The following FILIP1 variants were observed in gnomAD, a reference collection of about 807,000 sequenced individuals.
The protein encoded by FILIP1 is filamin A interacting protein 1.
Under a neutral mutation model 102.1 loss-of-function variants are expected in FILIP1, and 61 were observed. The observed-to-expected ratio is 0.60, with a 90% CI of 0.49 to 0.74. The LOEUF is 0.74. Ranked by LOEUF, FILIP1 falls within the 30% of genes least tolerant of loss-of-function variation. FILIP1 has a pLI of 0.00. For synonymous variants in FILIP1, 491 were observed against 526.9 expected (o/e 0.93, Z 0.93); for missense variants, 1,314 against 1,441.2 (o/e 0.91, Z 1.43).
intron 2 of FILIP1, among the ~76,000 whole-genome samples, chr6:75,413,956 CAGAGGAA>C (rs1411028806): frequency 6.6e-6 from 1 of 150,392 alleles, no homozygotes; most frequent in Non-Finnish European, 1.5e-5. Flanking sequence ...TGGGGGTGGG[CAGAGGAA>C]AGAGCATAGG....
intron 1 of FILIP1, among the ~76,000 whole-genome samples, chr6:75,470,998 A>G (rs1779309222): frequency 6.6e-6 from 1 of 151,926 alleles, no homozygotes; most frequent in South Asian, 2.1e-4. Flanking sequence ...CATCTCTGCT[A>G]AAAATAACAA....
intron 3 of FILIP1, among the ~76,000 whole-genome samples, chr6:75,360,171 T>G (rs1224066483): frequency 6.6e-6 from 1 of 152,184 alleles, no homozygotes; most frequent in East Asian, 1.9e-4. Flanking sequence ...CTATCTACCT[T>G]CCTTCCCTCA....
Position 75,430,899 on chromosome 6 carries a change from AC to A in FILIP1, c.-6-15922del, listed in dbSNP as rs763497545. ...GCTCTTTGCAGGCCAAGGCAAAAGCACAAAAACACATAGCTGTCTTGTGGTT... is the reference window on the plus strand; with the variant it reads ...GCTCTTTGCAGGCCAAGGCAAAAGCAAAAAACACATAGCTGTCTTGTGGTT... On this transcript the variant is annotated intron_variant, in intron 1 of 5. Coordinates refer to ENST00000237172, the MANE Select transcript of FILIP1 (RefSeq NM_015687.5). 2.6e-5 allele frequency among the ~76,000 whole-genome samples: 4 copies of A among 152,380 alleles called. No individual in the cohort carries two copies. The East Asian group carries it at 5.8e-4, about 22-fold the overall frequency.
At chr6:75,352,536 A>G (rs1371953859) in intron 4 of FILIP1, among the ~76,000 whole-genome samples, 1 of 152,198 alleles carries the variant, frequency 6.6e-6, no homozygotes, top group African/African-American at 2.4e-5. Context: ...ACCTACAAGA[A>G]TAAACATCAA....
In FILIP1 at chr6:75,450,813, G is replaced by C. The variant is rs887550093; in HGVS notation, c.-6-35835C>G. On this transcript the variant is annotated intron_variant, in intron 1 of 5. Coordinates refer to ENST00000237172, the MANE Select transcript of FILIP1 (RefSeq NM_015687.5). Reference sequence around the variant, plus strand: ...TCTACTAAAAATACAAAATTAGCCGGGCATGGTGGTGCATGCCAGTAATCC... The same window carrying C: ...TCTACTAAAAATACAAAATTAGCCGCGCATGGTGGTGCATGCCAGTAATCC... Among the ~76,000 whole-genome samples the C allele has an allele frequency of 3.3e-5, 5 of 151,998 alleles. No individual in the cohort carries two copies. In the South Asian group the frequency reaches 1.0e-3, roughly 32 times the overall value.
At chr6:75,407,018 A>C (rs1056369211) in intron 2 of FILIP1, among the ~76,000 whole-genome samples, 2 of 152,198 alleles carry the variant, frequency 1.3e-5, no homozygotes, top group Non-Finnish European at 2.9e-5. Flanking sequence ...TTTATTAATT[A>C]AAGCCCAAAG....
At chr6:75,441,686 G>C (rs1304395492) in intron 1 of FILIP1, among the ~76,000 whole-genome samples, 1 of 148,700 alleles carries the variant, frequency 6.7e-6, no homozygotes, top group African/African-American at 2.5e-5. Context: ...CCTCCCTGAC[G>C]GGGCGGCTGG....
chr6:75,423,152 T>G (rs2951926), intron 1 of FILIP1, among the ~76,000 whole-genome samples: 106,103 of 152,014 alleles, frequency 0.7, 37,883 homozygotes, highest in African/African-American at 0.86. Flanking sequence ...ACAACTACAC[T>G]AGAAGTTGCT....
Position 75,312,398 on chromosome 6 carries a change from ACT to A in FILIP1, c.3432_3433del (p.Ser1146ArgfsTer43). On this transcript the variant is annotated frameshift_variant and splice_region_variant, in exon 5 of 6. Coordinates refer to ENST00000237172, the MANE Select transcript of FILIP1 (RefSeq NM_015687.5). LOFTEE classifies it high-confidence loss of function. ...CGCTTTGGAGCCTCTTCTACTCACC[ACT>A]GACTGGGTTCCTCGAGCAGATGACG... The A allele has an allele frequency of 2.5e-6, 4 of 1,612,290 alleles. No individual in the cohort carries two copies. Among genetic ancestry groups the A allele is most frequent in the Non-Finnish European group, 3.4e-6 (4 of 1,179,082 alleles).
intron 1 of FILIP1, chr6:75,453,876 G>A (rs1778724548): frequency 4.5e-6 from 2 of 443,694 alleles, no homozygotes; most frequent in Non-Finnish European, 9.1e-6. Flanking sequence ...CATGTCATGT[G>A]ATGCAAATAC....
intron 1 of FILIP1, among the ~76,000 whole-genome samples, chr6:75,449,327 G>A (rs944983554): frequency 3.3e-5 from 5 of 152,058 alleles, no homozygotes; most frequent in Middle Eastern, 3.2e-3. Context: ...GACTTGGGGG[G>A]AAAGGATGGG....
intron 1 of FILIP1, among the ~76,000 whole-genome samples, chr6:75,431,759 A>T (rs1056750877): frequency 6.6e-6 from 1 of 152,308 alleles, no homozygotes; most frequent in South Asian, 2.1e-4. Flanking sequence ...CTGAGGTAAC[A>T]GACCTAAACA....
At chr6:75,440,443 G>C (rs889908571) in intron 1 of FILIP1, among the ~76,000 whole-genome samples, 1 of 152,100 alleles carries the variant, frequency 6.6e-6, no homozygotes, top group African/African-American at 2.4e-5. Flanking sequence ...CACTATGAAG[G>C]GCTTATCGAA....
At position 75,319,086 on chromosome 6, in the gene FILIP1, A is replaced by G. The variant is rs903832118; in HGVS notation, c.630-3884T>C. The G allele has an allele frequency of 2.5e-5, 18 of 729,910 alleles. No homozygotes were observed. The African/African-American group carries it at 3.2e-4, about 13-fold the overall frequency. The allele number at this position is 729,910 out of a possible 1,614,324, so 45.2% of individuals were successfully genotyped here. A position where few individuals can be genotyped will look rare whatever the true frequency, so the allele number is the denominator to read the frequency against. ...CTTCTTCACCTTCTTCCTCCTCTTC[A>G]TCCTCTTCATCTTCCTCCTCTTCCT... is the stretch of plus-strand genomic sequence containing the variant. On this transcript the variant is annotated intron_variant, in intron 4 of 5. Coordinates refer to ENST00000237172, the MANE Select transcript of FILIP1 (RefSeq NM_015687.5).
intron 1 of FILIP1, among the ~76,000 whole-genome samples, chr6:75,429,484 A>G (rs1468265339): frequency 6.6e-6 from 1 of 152,216 alleles, no homozygotes; most frequent in African/African-American, 2.4e-5. Flanking sequence ...GGATGCCTCT[A>G]TAGGCATGCA....
At chr6:75,331,446 G>A (rs1299914353) in intron 4 of FILIP1, among the ~76,000 whole-genome samples, 1 of 152,180 alleles carries the variant, frequency 6.6e-6, no homozygotes, top group Non-Finnish European at 1.5e-5. Flanking sequence ...AAGATGGGCA[G>A]AATGTCTCCT....
intron 2 of FILIP1, among the ~76,000 whole-genome samples, chr6:75,411,133 T>A (rs1242489327): frequency 6.6e-6 from 1 of 152,276 alleles, no homozygotes; most frequent in Non-Finnish European, 1.5e-5. Context: ...TGAGATGGTA[T>A]CTCACTGTGG....
At position 75,449,623 on chromosome 6, in the gene FILIP1, A is replaced by T. The variant is rs551252918; in HGVS notation, c.-6-34645T>A. 1.3e-4 allele frequency among the ~76,000 whole-genome samples: 20 copies of T among 152,250 alleles called. No individual in the cohort carries two copies. In the South Asian group the frequency reaches 4.1e-3, roughly 32 times the overall value. ...GCAAGACCCCATCTGTATTTTTTTT[A>T]AAGTCTAGGTAGCCTGGCTAAACAC... On this transcript the variant is annotated intron_variant, in intron 1 of 5. Transcript: ENST00000237172.
rs116213959 is a variant in FILIP1 at position 75,396,488 on chromosome 6, C to G, written c.276+18209G>C. On this transcript the variant is annotated intron_variant, in intron 2 of 5. Coordinates refer to ENST00000237172, the MANE Select transcript of FILIP1 (RefSeq NM_015687.5). The stretch of plus-strand genomic sequence containing the variant: ...ACTCTGTGGCTTACTCTTTTACATT[C>G]TCTCCATTGCCTGGCATTCCGTAAT... Among the ~76,000 whole-genome samples the G allele has an allele frequency of 5.6e-3, 853 of 152,188 alleles. 8 individuals are homozygous for G. The highest frequency in any genetic ancestry group is 0.019 in the African/African-American group (805 of 41,530).
Sources: allele counts gnomAD v4.1 joint callset (sites outside exome capture counted in the v4.1 genomes callset), GRCh38; gene constraint gnomAD v4.1.1; transcripts MANE v1.5; gene names NCBI Gene and HGNC (gene_info 2026-07-23, HGNC 2026-07-21).